The following DLG2 variants were observed in gnomAD, a reference collection of about 807,000 sequenced individuals.
DLG2 encodes the protein discs large MAGUK scaffold protein 2.
Under a neutral mutation model 132.5 loss-of-function variants are expected in DLG2, and 45 were observed. That is an observed-to-expected ratio of 0.34 (90% CI 0.27 to 0.44). The LOEUF (loss-of-function observed/expected upper bound fraction) is 0.44. Among genes scored for constraint, DLG2 ranks in the 20% least tolerant of loss-of-function variants. DLG2 has a pLI of 1.00. For missense variants in DLG2, 1,045 were observed against 1,196.9 expected (o/e 0.87, Z 1.87); for synonymous variants, 424 against 419.6 (o/e 1.01, Z -0.13).
At chr11:83,954,564 C>T (rs2086327968) in intron 14 of DLG2, among the ~76,000 whole-genome samples, 2 of 152,132 alleles carry the variant, frequency 1.3e-5, no homozygotes, top group Admixed American at 6.5e-5. Context: ...AAAACAAAAT[C>T]TCAGAGACAT....
At chr11:84,334,606 A>T (rs891393786) in intron 7 of DLG2, among the ~76,000 whole-genome samples, 2 of 152,226 alleles carry the variant, frequency 1.3e-5, no homozygotes, top group Admixed American at 1.3e-4. Flanking sequence ...ATTTGGGTGT[A>T]TTCATTTGTT....
intron 15 of DLG2, among the ~76,000 whole-genome samples, chr11:83,923,627 G>C (rs1047478062): frequency 1.3e-5 from 2 of 152,094 alleles, no homozygotes; most frequent in Non-Finnish European, 2.9e-5. Flanking sequence ...TCACCCTCCA[G>C]TAAATATCCC....
intron 19 of DLG2, among the ~76,000 whole-genome samples, chr11:83,621,985 G>A (rs888081665): frequency 6.6e-6 from 1 of 152,252 alleles, no homozygotes. Flanking sequence ...CAAGATCTCA[G>A]CTCACTGCAA....
intron 16 of DLG2, among the ~76,000 whole-genome samples, chr11:83,846,941 C>CAGAAA (rs2058740094): frequency 1.5e-5 from 1 of 68,538 alleles, no homozygotes; most frequent in African/African-American, 6.9e-5. Flanking sequence ...TCTCCCAAGC[C>CAGAAA]AAAAAAAAAA....
intron 3 of DLG2, among the ~76,000 whole-genome samples, chr11:85,333,941 C>A (rs943491600): frequency 6.6e-6 from 1 of 151,880 alleles, no homozygotes; most frequent in Non-Finnish European, 1.5e-5. Context: ...ATGATCCTGC[C>A]CTCACAGAAT....
rs549573145 is a variant in DLG2 at position 83,851,913 on chromosome 11, C to T, written c.1566-18143G>A. Among the ~76,000 whole-genome samples the T allele has an allele frequency of 4.0e-5, 6 of 149,546 alleles. No individual in the cohort carries two copies. The South Asian group carries it at 1.1e-3, about 26-fold the overall frequency. On this transcript the variant is annotated intron_variant, in intron 16 of 27. Transcript: ENST00000376104. ...CAGCCTGGGTGACAGAGCGAGACTC[C>T]GTCTCTTAAAAAAAAAAAAAAAAAA...
chr11:84,657,372 G>A (rs1313965152), intron 6 of DLG2, among the ~76,000 whole-genome samples: 5 of 152,084 alleles, frequency 3.3e-5, no homozygotes, highest in Non-Finnish European at 5.9e-5. Context: ...AAAGAGCAAA[G>A]AGCCATAGCC....
chr11:84,987,848 C>T (rs2374605), intron 6 of DLG2, among the ~76,000 whole-genome samples: 4,607 of 152,264 alleles, frequency 0.03, 94 homozygotes, highest in Admixed American at 0.054. Flanking sequence ...CCCTTCTGGG[C>T]ATTGGCTTAT....
chr11:83,724,491 G>GT (rs2089565670), intron 18 of DLG2, among the ~76,000 whole-genome samples: 2 of 148,058 alleles, frequency 1.4e-5, no homozygotes, highest in African/African-American at 5.0e-5. Context: ...GAGAGAGAGA[G>GT]AGAGAGAGAG....
rs372138748 is a variant in DLG2, at chr11:84,757,296, TA to T, written c.358-222566del. 8.8e-3 allele frequency among the ~76,000 whole-genome samples: 1,273 copies of T among 145,118 alleles called. 22 individuals carry two copies. Among genetic ancestry groups the T allele is most frequent in the African/African-American group, 0.029 (1,142 of 39,934 alleles). ...GACCAAGTAAGTGTATATCTTTTGT[TA>T]AAAAAAAAAAGGATTTTATCTTGTA... On this transcript the variant is annotated intron_variant, in intron 6 of 27. Transcript: ENST00000376104.
rs769870421 is a variant in DLG2 at position 83,865,065 on chromosome 11, C to T, written c.1565+9355G>A. Among the ~76,000 whole-genome samples, 9 of 152,164 alleles carry T rather than the reference C, an allele frequency of 5.9e-5. No individual in the cohort carries two copies. The East Asian group carries it at 1.7e-3, about 29-fold the overall frequency. ...AGATAAGACTAAGGCTGTTTCTACT[C>T]ATGTGATGGATGAGCCACCAGAAAA... is the stretch of plus-strand genomic sequence containing the variant. On this transcript the variant is annotated intron_variant, in intron 16 of 27. Coordinates refer to ENST00000376104, the MANE Select transcript of DLG2 (RefSeq NM_001142699.3).
At chr11:83,530,347 T>C (rs2140988574) in intron 21 of DLG2, among the ~76,000 whole-genome samples, 1 of 152,168 alleles carries the variant, frequency 6.6e-6, no homozygotes, top group East Asian at 1.9e-4. Context: ...GGCTCCCTTA[T>C]GATTCTAGAA....
chr11:85,621,593 T>C (rs915064816), intron 2 of DLG2, among the ~76,000 whole-genome samples: 1 of 152,190 alleles, frequency 6.6e-6, no homozygotes, highest in African/African-American at 2.4e-5. Context: ...TGGATGACTT[T>C]GAGGGATTCA....
At chr11:84,692,050 C>T (rs1409272914) in intron 6 of DLG2, among the ~76,000 whole-genome samples, 4 of 151,700 alleles carry the variant, frequency 2.6e-5, no homozygotes, top group African/African-American at 9.7e-5. Context: ...GTACTTATTG[C>T]ATGTTTTTCT....
chr11:84,046,789 G>A (rs2096251101), intron 11 of DLG2, among the ~76,000 whole-genome samples: 1 of 151,486 alleles, frequency 6.6e-6, no homozygotes, highest in African/African-American at 2.4e-5. Flanking sequence ...ATAAGCTGGT[G>A]TTCTTTACAG....
chr11:85,496,849 G>C (rs1040722890), intron 3 of DLG2, among the ~76,000 whole-genome samples: 3 of 152,014 alleles, frequency 2.0e-5, no homozygotes, highest in African/African-American at 7.2e-5. Context: ...TCTGTTAGAA[G>C]GAAAACTAAC....
intron 4 of DLG2, among the ~76,000 whole-genome samples, chr11:85,239,191 C>T (rs548820596): frequency 1.3e-5 from 2 of 152,184 alleles, no homozygotes; most frequent in South Asian, 2.1e-4. Flanking sequence ...AAACTCACAA[C>T]ACTTGGGCTC....
chr11:85,412,725 TCACACACACACACA>T (rs542505541), intron 3 of DLG2, among the ~76,000 whole-genome samples: 2 of 92,252 alleles, frequency 2.2e-5, no homozygotes, highest in African/African-American at 8.1e-5. Flanking sequence ...GAGCAGTATT[TCACACACACACACA>T]CACACACACA....
intron 6 of DLG2, among the ~76,000 whole-genome samples, chr11:84,584,636 G>C (rs1468706441): frequency 6.7e-6 from 1 of 148,298 alleles, no homozygotes; most frequent in Non-Finnish European, 1.5e-5. Context: ...AAAGTGCTGG[G>C]ATTATAAGCC....
Sources: allele counts gnomAD v4.1 joint callset (sites outside exome capture counted in the v4.1 genomes callset), GRCh38; gene constraint gnomAD v4.1.1; transcripts MANE v1.5; gene names NCBI Gene and HGNC (gene_info 2026-07-23, HGNC 2026-07-21).